Variants in PIP4K2A observed in about 807,000 individuals in gnomAD.
PIP4K2A encodes phosphatidylinositol 5-phosphate 4-kinase type-2 alpha.
In PIP4K2A, 14 loss-of-function variants were observed where a neutral mutation model predicts 42.9. The ratio of observed to expected loss-of-function variants is 0.33; its 90% CI spans 0.22 to 0.51. The LOEUF is 0.51. Ranked by LOEUF, PIP4K2A falls within the 20% of genes least tolerant of loss-of-function variation. The pLI, the probability that PIP4K2A is intolerant of heterozygous loss-of-function variation, is 0.97. For missense variants in PIP4K2A, 434 were observed against 519.8 expected (o/e 0.83, Z 1.61); for synonymous variants, 192 against 192.2 (o/e 1.00, Z 0.01).
intron 1 of PIP4K2A, among the ~76,000 whole-genome samples, chr10:22,709,555 A>G (rs1833880064): frequency 6.6e-6 from 1 of 152,200 alleles, no homozygotes; most frequent in Non-Finnish European, 1.5e-5. Context: ...TTGGTGGTTT[A>G]TTATAATTCT....
At chr10:22,586,739 C>T (rs555678741) in intron 4 of PIP4K2A, among the ~76,000 whole-genome samples, 2 of 152,168 alleles carry the variant, frequency 1.3e-5, no homozygotes, top group East Asian at 3.9e-4. Flanking sequence ...CCATGTTGGT[C>T]AGGCTGGTCT....
At chr10:22,587,125 A>G (rs1188004667) in intron 4 of PIP4K2A, among the ~76,000 whole-genome samples, 1 of 152,160 alleles carries the variant, frequency 6.6e-6, no homozygotes, top group Non-Finnish European at 1.5e-5. Context: ...TCAAATATTC[A>G]AATAACTAGC....
In PIP4K2A at chr10:22,618,873, C is replaced by A. The variant is rs143385968; in HGVS notation, c.145-9156G>T. ...ATTTGTTTGTAAAATGGGGAAACTA[C>A]GACTATTTATACACCAAAGTTCATA... On this transcript the variant is annotated intron_variant, in intron 1 of 9. Coordinates refer to ENST00000376573, the MANE Select transcript of PIP4K2A (RefSeq NM_005028.5). 3.5e-4 allele frequency among the ~76,000 whole-genome samples: 54 copies of A among 152,278 alleles called. No individual in the cohort carries two copies. In the East Asian group the frequency reaches 0.01, roughly 29 times the overall value.
chr10:22,667,983 ACT>A, intron 1 of PIP4K2A, among the ~76,000 whole-genome samples: 1 of 150,340 alleles, frequency 6.7e-6, no homozygotes, highest in Non-Finnish European at 1.5e-5. Flanking sequence ...ACAGAGTCTC[ACT>A]CTATCACCCA....
intron 8 of PIP4K2A, 63 bp from the exon 9 acceptor site, chr10:22,540,137 T>G (rs1836066342): frequency 6.6e-6 from 5 of 759,444 alleles, no homozygotes; most frequent in Non-Finnish European, 7.2e-6. Context: ...GCATTGCTGC[T>G]GAGGGAGGGA....
rs115636691 is a variant in PIP4K2A, at chr10:22,641,370, T to C, written c.145-31653A>G. Among the ~76,000 whole-genome samples the C allele has an allele frequency of 2.0e-3, 308 of 152,330 alleles. 2 individuals carry two copies. The highest frequency in any genetic ancestry group is 6.7e-3 in the African/African-American group (277 of 41,570). On this transcript the variant is annotated intron_variant, in intron 1 of 9. Coordinates refer to ENST00000376573, the MANE Select transcript of PIP4K2A (RefSeq NM_005028.5). ...ATAGATCTACATTAACACGCTGACA[T>C]TGACATAAGAGTGAATTTTTGTTCT...
chr10:22,610,267 C>T (rs571553573), intron 1 of PIP4K2A, among the ~76,000 whole-genome samples: 7 of 152,110 alleles, frequency 4.6e-5, no homozygotes, highest in Non-Finnish European at 8.8e-5. Flanking sequence ...GAAGAAGACA[C>T]GTGGTCCCAG....
At chr10:22,548,264 T>C (rs1299134012) in intron 7 of PIP4K2A, among the ~76,000 whole-genome samples, 1 of 152,232 alleles carries the variant, frequency 6.6e-6, no homozygotes, top group Non-Finnish European at 1.5e-5. Context: ...CCTGCCTCCA[T>C]TTCAACGAAA....
intron 4 of PIP4K2A, among the ~76,000 whole-genome samples, chr10:22,574,722 T>C (rs1837071339): frequency 6.6e-6 from 1 of 152,236 alleles, no homozygotes; most frequent in Non-Finnish European, 1.5e-5. Flanking sequence ...TAATCTCATG[T>C]AATTCCTGAG....
At position 22,608,009 on chromosome 10, in the gene PIP4K2A, C is replaced by T; in HGVS notation, c.257G>A (p.Ser86Asn). The T allele has an allele frequency of 1.2e-6, 2 of 1,610,252 alleles. No individual in the cohort carries two copies. Among genetic ancestry groups the T allele is most frequent in the South Asian group, 1.1e-5 (1 of 90,718 alleles). Residue 86 changes from serine to asparagine, a missense_variant, in exon 3 of 10, where the codon AGC (serine) becomes AAC (asparagine). Transcript: ENST00000376573. ...GCAGTATTCCTTAAACTTGAAATGG[C>T]TCGGCATGTTTTCTCTGAAACAGTC... ...NHLFNKENMP[S>N]HFKFKEYCPM...
At chr10:22,669,160 T>C (rs1040181069) in intron 1 of PIP4K2A, among the ~76,000 whole-genome samples, 1 of 152,104 alleles carries the variant, frequency 6.6e-6, no homozygotes, top group African/African-American at 2.4e-5. Context: ...TTTGCAACTA[T>C]AATGAGGGGA....
chr10:22,714,166 C>G lies in PIP4K2A; in HGVS notation c.144+17G>C. ...GAGGAGGAGGAAGGGGACCGCGCGC[C>G]GCAGCTGAGCCCTTACCGAGTGGTT... On this transcript the variant is annotated intron_variant, in intron 1 of 9. Transcript: ENST00000376573. The G allele has an allele frequency of 6.3e-7, 1 of 1,596,768 alleles. No homozygotes were observed. Among genetic ancestry groups the G allele is most frequent in the Non-Finnish European group, 8.5e-7 (1 of 1,170,490 alleles).
At chr10:22,627,588 T>TAAAAAAAAAAAAAAA (rs1564448260) in intron 1 of PIP4K2A, among the ~76,000 whole-genome samples, 11 of 38,920 alleles carry the variant, frequency 2.8e-4, no homozygotes, top group African/African-American at 3.6e-4. Context: ...AGCTAATATG[T>TAAAAAAAAAAAAAAA]AATAAAAAAA....
intron 1 of PIP4K2A, among the ~76,000 whole-genome samples, chr10:22,643,490 A>G (rs1013995774): frequency 6.6e-6 from 1 of 152,072 alleles, no homozygotes; most frequent in African/African-American, 2.4e-5. Context: ...TCCCTGTTTA[A>G]TTCAGATGTT....
At chr10:22,646,642 G>A (rs1838889473) in intron 1 of PIP4K2A, among the ~76,000 whole-genome samples, 1 of 152,202 alleles carries the variant, frequency 6.6e-6, no homozygotes, top group Admixed American at 6.5e-5. Flanking sequence ...GAGAGTAAAA[G>A]CCACAGTATA....
chr10:22,591,576 C>A lies in PIP4K2A; in HGVS notation c.492+53G>T, dbSNP rs1024629139. 7 of 1,376,432 alleles carry A rather than the reference C, an allele frequency of 5.1e-6. No individual in the cohort carries two copies. In the African/African-American group the frequency reaches 8.6e-5, roughly 17 times the overall value. The allele number at this position is 1,376,432 out of a possible 1,614,324, so 85.3% of individuals were successfully genotyped here. ...TAAATCTCTGGCCTTGGTGAGAAAT[C>A]GCTACGCATGTTAATCTTCTTGGAG... is the stretch of plus-strand genomic sequence containing the variant. On this transcript the variant is annotated intron_variant, in intron 4 of 9. Coordinates refer to ENST00000376573, the MANE Select transcript of PIP4K2A (RefSeq NM_005028.5).
rs1360780962 is a variant in PIP4K2A, at chr10:22,535,563, A to AT, written c.*1637dup. 1 of 152,248 alleles carries AT rather than the reference A, an allele frequency of 6.6e-6. No homozygotes were observed. Among genetic ancestry groups the AT allele is most frequent in the East Asian group, 1.9e-4 (1 of 5,192 alleles). 9.4% of individuals were successfully genotyped at this position (152,248 alleles called of 1,614,324 possible). A position where few individuals can be genotyped will look rare whatever the true frequency, so the allele number is the denominator to read the frequency against. On this transcript the variant is annotated 3_prime_UTR_variant, in exon 10 of 10. Coordinates refer to ENST00000376573, the MANE Select transcript of PIP4K2A (RefSeq NM_005028.5). ...AGGGAGATCTGTTGAGTTGCAAGTA[A>AT]TAATTAAAGGGTCGATTTTTGTTTG...
chr10:22,540,375 T>C (rs1316084482), intron 8 of PIP4K2A, among the ~76,000 whole-genome samples: 6 of 152,136 alleles, frequency 3.9e-5, no homozygotes, highest in Non-Finnish European at 7.4e-5. Flanking sequence ...TTTTTTTTTT[T>C]TTAATTTGCA....
At chr10:22,616,798 A>G (rs569760713) in intron 1 of PIP4K2A, among the ~76,000 whole-genome samples, 47 of 152,378 alleles carry the variant, frequency 3.1e-4, no homozygotes, top group African/African-American at 1.1e-3. Flanking sequence ...CTGTGGTATA[A>G]TAGCACAATG....
Sources: gnomAD v4.1 joint callset for allele counts (sites outside exome capture counted in the v4.1 genomes callset) on GRCh38, gnomAD v4.1.1 for gene constraint, MANE v1.5 for transcripts, NCBI Gene and HGNC (gene_info 2026-07-23, HGNC 2026-07-21) for gene names.